Variants in DIP2A observed in about 807,000 individuals in gnomAD.
DIP2A encodes the protein DIP2 acetate--CoA ligase A, also known as disco-interacting protein 2 homolog A.
In DIP2A, 85 loss-of-function variants were observed where a neutral mutation model predicts 177.4. The ratio of observed to expected loss-of-function variants is 0.48; its 90% CI spans 0.40 to 0.57. The LOEUF is 0.57. Ranked by LOEUF, DIP2A falls within the 20% of genes least tolerant of loss-of-function variation. The probability of loss-of-function intolerance (pLI) is 0.00; values close to 1 mark genes in which losing one functional copy is unlikely to be tolerated. For missense variants in DIP2A, 1,791 were observed against 2,100.2 expected, an observed-to-expected ratio of 0.85 and a Z score of 2.88; for synonymous variants, 886 against 881.8, an observed-to-expected ratio of 1.00 and a Z score of -0.08.
the DIP2A span, among the ~76,000 whole-genome samples, chr21:46,579,851 G>A: frequency 6.6e-6 from 1 of 152,174 alleles, no homozygotes; most frequent in African/African-American, 2.4e-5. Context: ...AATTTGCTGA[G>A]GAGGGTTTTA....
chr21:46,524,249 G>T (rs1004718662), intron 8 of DIP2A, among the ~76,000 whole-genome samples: 2 of 152,280 alleles, frequency 1.3e-5, no homozygotes, highest in African/African-American at 4.8e-5. Context: ...ACTGAAGGGG[G>T]ACCCTCTAAC....
chr21:46,514,413 G>A (rs1351907282), intron 8 of DIP2A, among the ~76,000 whole-genome samples: 2 of 149,492 alleles, frequency 1.3e-5, no homozygotes, highest in African/African-American at 4.9e-5. Context: ...TCCAGCCTGG[G>A]CGACAGAGCA....
rs564813803 is a variant in DIP2A at position 46,498,139 on chromosome 21, G to T, written c.404-443G>T. 3.9e-5 allele frequency among the ~76,000 whole-genome samples: 6 copies of T among 152,302 alleles called. No homozygotes were observed. In the East Asian group the frequency reaches 9.7e-4, roughly 25 times the overall value. On this transcript the variant is annotated intron_variant, in intron 4 of 37. Transcript: ENST00000417564. The surrounding 1 kb of genome is among the most constrained non-coding windows in gnomAD (Gnocchi z 4.3). ...GTTGCTGGGGCCATGCACAGGCCAG[G>T]ATGCCTTCTCACTGCCTCCAAGATG...
chr21:46,555,214 C>A (rs887834721), intron 28 of DIP2A, among the ~76,000 whole-genome samples: 4 of 152,248 alleles, frequency 2.6e-5, no homozygotes, highest in African/African-American at 4.8e-5. Flanking sequence ...TGGGGGCTGG[C>A]AGCTCTCTGA....
In DIP2A at chr21:46,547,039, G is replaced by A; in HGVS notation, c.2519G>A (p.Gly840Asp). The change falls in exon 21 of 38, where the codon GGC (glycine) becomes GAC (aspartate). Residue 840 changes from glycine to aspartate, a missense_variant. Coordinates refer to ENST00000417564, the MANE Select transcript of DIP2A (RefSeq NM_015151.4). ...GAGCCCATGAAGTTTGTCTACAGAGGCAGGTGATGCGCTGCGGACCCCCAC... is the reference window on the plus strand; with the variant it reads ...GAGCCCATGAAGTTTGTCTACAGAGACAGGTGATGCGCTGCGGACCCCCAC... ...AVEPMKFVYR[G>D]RIAVFSVTVL... is the part of the protein sequence containing the mutation. 1 of 1,613,808 alleles carries A rather than the reference G, an allele frequency of 6.2e-7. No homozygotes were observed. The highest frequency in any genetic ancestry group is 8.5e-7 in the Non-Finnish European group (1 of 1,179,746).
chr21:46,470,487 G>C (rs1003311603), intron 1 of DIP2A, among the ~76,000 whole-genome samples: 61 of 148,116 alleles, frequency 4.1e-4, no homozygotes, highest in Non-Finnish European at 6.0e-4. Flanking sequence ...AAAAAAAAAG[G>C]GGGGGCCAGG....
chr21:46,459,294 G>C (rs888313755), intron 1 of DIP2A, 72 bp downstream of exon 1: 78 of 1,331,020 alleles, frequency 5.9e-5, no homozygotes, highest in East Asian at 1.2e-4. Flanking sequence ...CCTCACTCCG[G>C]GACCCCCGCG....
the DIP2A span, among the ~76,000 whole-genome samples, chr21:46,576,842 T>G: frequency 1.3e-5 from 2 of 152,218 alleles, no homozygotes; most frequent in East Asian, 3.9e-4. Flanking sequence ...CAGTAGTATC[T>G]CATTTGTGGT....
chr21:46,505,732 C>A (rs997128315), intron 6 of DIP2A, among the ~76,000 whole-genome samples: 1 of 152,190 alleles, frequency 6.6e-6, no homozygotes, highest in Non-Finnish European at 1.5e-5. Flanking sequence ...ATCCTTCTGG[C>A]TTTCCCCATA....
chr21:46,501,616 T>C (rs957791418), intron 5 of DIP2A, among the ~76,000 whole-genome samples: 1 of 151,820 alleles, frequency 6.6e-6, no homozygotes, highest in Admixed American at 6.6e-5. Context: ...AAGATGGAGT[T>C]TTTACTGTGT....
Position 46,459,025 on chromosome 21 carries a change from C to T in DIP2A, c.-107C>T, listed in dbSNP as rs1601255247. 2.3e-5 allele frequency: 21 copies of T among 916,246 alleles called. No homozygotes were observed. The highest frequency in any genetic ancestry group is 3.0e-5 in the Non-Finnish European group (20 of 666,596). 56.8% of individuals were successfully genotyped at this position (916,246 alleles called of 1,614,324 possible). A position where few individuals can be genotyped will look rare whatever the true frequency, so the allele number is the denominator to read the frequency against. On this transcript the variant is annotated 5_prime_UTR_variant, in exon 1 of 38. Transcript: ENST00000417564. Reference sequence around the variant, plus strand: ...CCGCCGCCTCCCGCTCCTCGCCTGGCGGATGTAGGTTGTTGGCCTGAGGGG... The same window carrying T: ...CCGCCGCCTCCCGCTCCTCGCCTGGTGGATGTAGGTTGTTGGCCTGAGGGG...
intron 8 of DIP2A, among the ~76,000 whole-genome samples, chr21:46,526,560 G>T (rs1351858218): frequency 6.6e-6 from 1 of 151,854 alleles, no homozygotes; most frequent in Admixed American, 6.6e-5. Context: ...ATGTCCGCCT[G>T]ATTTTTTGTA....
intron 1 of DIP2A, among the ~76,000 whole-genome samples, chr21:46,484,340 G>A (rs1307181675): frequency 6.6e-6 from 1 of 152,084 alleles, no homozygotes; most frequent in Non-Finnish European, 1.5e-5. Flanking sequence ...TTTGACAAAC[G>A]CATATGCTCA....
At chr21:46,497,759 A>G (rs2057435405) in intron 4 of DIP2A, among the ~76,000 whole-genome samples, 1 of 152,214 alleles carries the variant, frequency 6.6e-6, no homozygotes, top group South Asian at 2.1e-4. Flanking sequence ...ATTTGGAGAT[A>G]CTACACAATA....
chr21:46,508,754 G>T (rs1325694421), intron 6 of DIP2A, among the ~76,000 whole-genome samples: 5 of 152,006 alleles, frequency 3.3e-5, no homozygotes, highest in Admixed American at 6.5e-5. Flanking sequence ...CGGGCGCGGT[G>T]GCACACGCCT....
intron 1 of DIP2A, among the ~76,000 whole-genome samples, chr21:46,471,396 C>T (rs139353571): frequency 1.2e-4 from 19 of 152,284 alleles, no homozygotes; most frequent in African/African-American, 4.1e-4. Context: ...AGGTACGGAA[C>T]TATCCCATAT....
chr21:46,573,584 C>T (rs1394595750), downstream of DIP2A, among the ~76,000 whole-genome samples: 1 of 126,204 alleles, frequency 7.9e-6, no homozygotes, highest in African/African-American at 3.1e-5. Flanking sequence ...GTGGAGATTG[C>T]AGTGCACCAA....
chr21:46,552,667 TGTGCACA>T (rs1379244160), intron 25 of DIP2A, among the ~76,000 whole-genome samples: 2 of 152,182 alleles, frequency 1.3e-5, no homozygotes, highest in Non-Finnish European at 2.9e-5. Flanking sequence ...ATGCCTACAA[TGTGCACA>T]GTGCACAGTA....
chr21:46,494,929 A>G (rs1037670975), intron 3 of DIP2A, among the ~76,000 whole-genome samples: 35 of 152,058 alleles, frequency 2.3e-4, no homozygotes, highest in African/African-American at 8.0e-4. Context: ...GCCATTTCTA[A>G]GGGTTTTTTT....
Sources: gnomAD v4.1 joint callset for allele counts (sites outside exome capture counted in the v4.1 genomes callset) on GRCh38, gnomAD v4.1.1 for gene constraint, Gnocchi (gnomAD v3.1) non-coding constraint, MANE v1.5 for transcripts, NCBI Gene and HGNC (gene_info 2026-07-23, HGNC 2026-07-21) for gene names.